The following EFHC2 variants were observed in gnomAD, a reference collection of about 807,000 sequenced individuals.
EFHC2 encodes the protein EF-hand domain containing 2.
A neutral mutation model predicts 52.7 loss-of-function variants in EFHC2; 18 were observed. The ratio of observed to expected loss-of-function variants is 0.34; its 90% CI spans 0.24 to 0.51. The LOEUF (loss-of-function observed/expected upper bound fraction) is 0.51. Among genes scored for constraint, EFHC2 ranks in the 20% least tolerant of loss-of-function variants. The probability of loss-of-function intolerance (pLI) is 0.97; values close to 1 mark genes in which losing one functional copy is unlikely to be tolerated. For missense variants in EFHC2, 513 were observed against 562.5 expected (o/e 0.91, Z 0.89); for synonymous variants, 203 against 204.1 (o/e 0.99, Z 0.04).
chrX:44,151,259 A>G (rs933947910), intron 14 of EFHC2, among the ~76,000 whole-genome samples: 4 of 111,685 alleles, frequency 3.6e-5, no homozygotes, highest in African/African-American at 1.3e-4. Context: ...AAACTAATAC[A>G]GGTAAGGATG....
chrX:44,279,196 T>C (rs2032371715), intron 2 of EFHC2, among the ~76,000 whole-genome samples: 1 of 111,292 alleles, frequency 9.0e-6, no homozygotes, highest in Admixed American at 9.6e-5. Flanking sequence ...ACAAAAAAAT[T>C]AGCTGGGCCT....
At chrX:44,161,202 A>G (rs183125564) in intron 14 of EFHC2, among the ~76,000 whole-genome samples, 1 of 112,184 alleles carries the variant, frequency 8.9e-6, no homozygotes, top group African/African-American at 3.2e-5. Context: ...CTTATAGCAA[A>G]AATAGGTATG....
intron 1 of EFHC2, among the ~76,000 whole-genome samples, chrX:44,321,023 G>C (rs1004062372): frequency 1.8e-5 from 2 of 111,741 alleles, no homozygotes; most frequent in Non-Finnish European, 3.8e-5. Context: ...CAAAGAACTG[G>C]GGATATTGCA....
Position 44,297,654 on chromosome X carries a change from G to T in EFHC2, c.231+14914C>A, listed in dbSNP as rs1017388855. Among the ~76,000 whole-genome samples, 3 of 106,601 alleles carry T rather than the reference G, an allele frequency of 2.8e-5. No individual in the cohort carries two copies. In the Admixed American group the frequency reaches 3.1e-4, roughly 11 times the overall value. The allele number at this position is 106,601 out of a possible 115,157, so 92.6% of individuals were successfully genotyped here. On this transcript the variant is annotated intron_variant, in intron 2 of 14. Transcript: ENST00000420999. ...TAAGGCAGAAGAATCATTTGAAACC[G>T]AGAGGTGGAGGTTGCAGTGAGCTGA... is the stretch of plus-strand genomic sequence containing the variant.
At chrX:44,173,377 C>T (rs892032854) in intron 13 of EFHC2, among the ~76,000 whole-genome samples, 5 of 111,954 alleles carry the variant, frequency 4.5e-5, no homozygotes, top group Non-Finnish European at 9.4e-5. Context: ...GAAAGAGACT[C>T]TGGTCAGGGC....
chrX:44,311,743 ATTC>A (rs1352035335), intron 2 of EFHC2, among the ~76,000 whole-genome samples: 4 of 112,420 alleles, frequency 3.6e-5, no homozygotes, highest in East Asian at 2.8e-4. Flanking sequence ...TCCTTTCACT[ATTC>A]TTCTTGCCAC....
chrX:44,224,081 C>A (rs2037213811), intron 11 of EFHC2, among the ~76,000 whole-genome samples: 1 of 112,111 alleles, frequency 8.9e-6, no homozygotes, highest in African/African-American at 3.2e-5. Flanking sequence ...CCTTGGTCCA[C>A]CAACAATGAT....
At chrX:44,192,034 T>C (rs1476376069) in intron 11 of EFHC2, among the ~76,000 whole-genome samples, 1 of 106,453 alleles carries the variant, frequency 9.4e-6, no homozygotes, top group East Asian at 3.0e-4. Context: ...TTTGAAACAA[T>C]GTTTTCACTT....
chrX:44,309,534 C>T (rs1042953420), intron 2 of EFHC2: 4 of 1,201,066 alleles, frequency 3.3e-6, no homozygotes, highest in Non-Finnish European at 4.5e-6. Context: ...GAGTGCAATT[C>T]ATCCCAATGA....
intron 14 of EFHC2, among the ~76,000 whole-genome samples, chrX:44,158,833 A>T (rs948977224): frequency 4.5e-5 from 5 of 111,849 alleles, no homozygotes; most frequent in African/African-American, 1.6e-4. Context: ...CTCAGTTGAT[A>T]CCAAGAACAG....
At chrX:44,158,380 C>T (rs1354170702) in intron 14 of EFHC2, among the ~76,000 whole-genome samples, 1 of 111,352 alleles carries the variant, frequency 9.0e-6, no homozygotes, top group East Asian at 2.8e-4. Flanking sequence ...CAGAGCTCTT[C>T]ATAACACCTC....
chrX:44,182,106 C>T (rs1480869794), intron 11 of EFHC2, among the ~76,000 whole-genome samples: 2 of 111,616 alleles, frequency 1.8e-5, no homozygotes, highest in African/African-American at 6.5e-5. Context: ...AACCCTCCTC[C>T]CTACCCAGAA....
intron 2 of EFHC2, among the ~76,000 whole-genome samples, chrX:44,281,105 A>G (rs2037698734): frequency 9.0e-6 from 1 of 111,277 alleles, no homozygotes; most frequent in African/African-American, 3.3e-5. Context: ...TTTTTAGTAG[A>G]GACAGAGTTT....
chrX:44,199,355 C>T (rs1334907675), intron 11 of EFHC2, among the ~76,000 whole-genome samples: 2 of 113,107 alleles, frequency 1.8e-5, no homozygotes, highest in Non-Finnish European at 3.7e-5. Flanking sequence ...CACCACACTT[C>T]GTGTACAGTC....
intron 11 of EFHC2, among the ~76,000 whole-genome samples, chrX:44,214,324 C>T (rs1285630038): frequency 8.9e-6 from 1 of 111,950 alleles, no homozygotes; most frequent in Non-Finnish European, 1.9e-5. Context: ...ATTTCACATT[C>T]AAACTGTAGG....
At chrX:44,178,705 ATTTCT>A (rs1343471873) in intron 11 of EFHC2, 141 bp from the exon 12 acceptor site, 1 of 454,102 alleles carries the variant, frequency 2.2e-6, no homozygotes, top group Non-Finnish European at 3.4e-6. Context: ...TTTTAACTTA[ATTTCT>A]CTTCTTAATT....
At chrX:44,303,232 C>A (rs2147375675) in intron 2 of EFHC2, among the ~76,000 whole-genome samples, 1 of 111,369 alleles carries the variant, frequency 9.0e-6, no homozygotes, top group East Asian at 2.8e-4. Context: ...CAAGGCCACT[C>A]TGTGACCGTG....
intron 1 of EFHC2, 103 bp from the exon 2 acceptor site, chrX:44,312,859 C>G: frequency 1.2e-6 from 1 of 821,484 alleles, no homozygotes; most frequent in Non-Finnish European, 1.7e-6. Context: ...GTATTTTTCC[C>G]TCACAAAATG....
At chrX:44,298,546 C>T (rs763784124) in intron 2 of EFHC2, among the ~76,000 whole-genome samples, 66 of 111,286 alleles carry the variant, frequency 5.9e-4, no homozygotes, top group Non-Finnish European at 1.1e-3. Flanking sequence ...TTTGTCACAA[C>T]TAATGGAATT....
Sources: gnomAD v4.1 joint callset for allele counts (sites outside exome capture counted in the v4.1 genomes callset) on GRCh38, gnomAD v4.1.1 for gene constraint, MANE v1.5 for transcripts, NCBI Gene and HGNC (gene_info 2026-07-23, HGNC 2026-07-21) for gene names.